Variants in DGKH observed in about 807,000 individuals in gnomAD.
The protein encoded by DGKH is DAG kinase eta.
Under a neutral mutation model 159.3 loss-of-function variants are expected in DGKH, and 90 were observed. The ratio of observed to expected loss-of-function variants is 0.57; its 90% CI spans 0.48 to 0.67. The LOEUF (loss-of-function observed/expected upper bound fraction) is 0.67. Among genes scored for constraint, DGKH ranks in the 30% least tolerant of loss-of-function variants. DGKH has a pLI of 0.00. For synonymous variants in DGKH, 536 were observed against 553.8 expected, an observed-to-expected ratio of 0.97 and a Z score of 0.45; for missense variants, 1,181 against 1,506.1, an observed-to-expected ratio of 0.78 and a Z score of 3.57.
chr13:42,077,857 A>T (rs1373566437), intron 1 of DGKH, among the ~76,000 whole-genome samples: 1 of 152,248 alleles, frequency 6.6e-6, no homozygotes, highest in East Asian at 1.9e-4. Context: ...GGGTTATTTC[A>T]TCAGCAATCT....
intron 1 of DGKH, among the ~76,000 whole-genome samples, chr13:42,118,154 T>A (rs1193645219): frequency 6.6e-6 from 1 of 152,062 alleles, no homozygotes; most frequent in Admixed American, 6.6e-5. Flanking sequence ...GAGGCGGAGC[T>A]TGCAGTGAGC....
chr13:42,155,161 C>G (rs1474083785), intron 3 of DGKH, 130 bp from the exon 4 acceptor site: 6 of 718,844 alleles, frequency 8.3e-6, no homozygotes, highest in Non-Finnish European at 1.4e-5. Flanking sequence ...ATTATTTTAT[C>G]ATACAGATTA....
At chr13:42,249,867 C>A (rs73172216) in intron 29 of DGKH, among the ~76,000 whole-genome samples, 355 of 152,284 alleles carry the variant, frequency 2.3e-3, no homozygotes, top group Non-Finnish European at 3.9e-3. Flanking sequence ...TTTGGGACAC[C>A]AACATTTGAA....
At chr13:42,105,106 C>A (rs1460900304) in intron 1 of DGKH, among the ~76,000 whole-genome samples, 1 of 151,760 alleles carries the variant, frequency 6.6e-6, no homozygotes, top group Non-Finnish European at 1.5e-5. Context: ...AATAGAATAC[C>A]TGAGATTGGA....
intron 1 of DGKH, among the ~76,000 whole-genome samples, chr13:42,098,630 C>A (rs1280186419): frequency 6.6e-6 from 1 of 152,018 alleles, no homozygotes; most frequent in East Asian, 1.9e-4. Flanking sequence ...TTTTTATTTT[C>A]TTTATGTTCT....
intron 1 of DGKH, among the ~76,000 whole-genome samples, chr13:42,107,246 A>G (rs888298642): frequency 2.0e-5 from 3 of 152,232 alleles, no homozygotes; most frequent in African/African-American, 7.2e-5. Context: ...GGGGGTGTGC[A>G]TTCTGCACCT....
intron 17 of DGKH, among the ~76,000 whole-genome samples, chr13:42,197,267 A>AAAAAAAAAAAAAAAG (rs922365530): frequency 1.8e-4 from 25 of 135,314 alleles, no homozygotes; most frequent in East Asian, 7.0e-4. Context: ...AAAAAAAAAA[A>AAAAAAAAAAAAAAAG]AAAGAAAGAA....
intron 13 of DGKH, among the ~76,000 whole-genome samples, chr13:42,181,095 T>G (rs1388811360): frequency 4.6e-5 from 7 of 151,552 alleles, no homozygotes; most frequent in Non-Finnish European, 4.4e-5. Context: ...GCTAACACGG[T>G]GAAACCCCGT....
intron 1 of DGKH, among the ~76,000 whole-genome samples, chr13:42,064,267 G>C (rs1882400502): frequency 6.6e-6 from 1 of 152,188 alleles, no homozygotes; most frequent in Non-Finnish European, 1.5e-5. Flanking sequence ...TCTGAGGCTA[G>C]AGGAAAGGTA....
intron 25 of DGKH, among the ~76,000 whole-genome samples, chr13:42,215,357 G>A (rs1157549723): frequency 1.3e-5 from 2 of 152,022 alleles, no homozygotes; most frequent in African/African-American, 4.8e-5. Context: ...GTGATCCTGA[G>A]TGTATTCACT....
rs1468134197 is a variant in DGKH at position 42,109,828 on chromosome 13, TTAA to T, written c.193-17631_193-17629del. Among the ~76,000 whole-genome samples, 3 of 152,216 alleles carry T rather than the reference TTAA, an allele frequency of 2.0e-5. No individual in the cohort carries two copies. The East Asian group carries it at 5.8e-4, about 29-fold the overall frequency. On this transcript the variant is annotated intron_variant, in intron 1 of 29. Transcript: ENST00000337343. The stretch of plus-strand genomic sequence containing the variant: ...TTCTCTTCATTTCTGTGAACAGTTA[TTAA>T]TAAGATATTTTTAAAAAATCTACTA...
At chr13:42,219,968 T>C (rs778140385) in intron 28 of DGKH, among the ~76,000 whole-genome samples, 174 bp downstream of exon 28, 2 of 152,198 alleles carry the variant, frequency 1.3e-5, no homozygotes, top group African/African-American at 4.8e-5. Context: ...ATGGGGAATT[T>C]CATGCTTTAT....
At position 42,168,801 on chromosome 13, in the gene DGKH, T is replaced by G. The variant is rs1477006760; in HGVS notation, c.1350T>G (p.Ser450Arg). The G allele has an allele frequency of 1.2e-6, 2 of 1,613,396 alleles. No homozygotes were observed. Among genetic ancestry groups the G allele is most frequent in the Non-Finnish European group, 1.7e-6 (2 of 1,179,610 alleles). Residue 450 changes from serine (S) to arginine (R), a missense_variant, in exon 11 of 30, where the codon AGT becomes AGG. Transcript: ENST00000337343. ...TCCTAGAGAAACTGGAACGAGCCAG[T>G]ACCAAAATGTTGGACAGGTAAAAGT... Reference protein sequence around the residue: ...PQILEKLERASTKMLDRWSIM... With the variant: ...PQILEKLERARTKMLDRWSIM...
At chr13:42,146,149 G>C (rs1413643351) in intron 3 of DGKH, among the ~76,000 whole-genome samples, 1 of 76,244 alleles carries the variant, frequency 1.3e-5, no homozygotes, top group Admixed American at 1.4e-4. Flanking sequence ...TTCTGGGGAG[G>C]CTTTTTTTTT....
chr13:42,049,508 C>T (rs1349690011), intron 1 of DGKH, among the ~76,000 whole-genome samples: 2 of 152,238 alleles, frequency 1.3e-5, no homozygotes, highest in Non-Finnish European at 2.9e-5. Context: ...TGGAAGGTGA[C>T]ACCGGTCAGC....
intron 11 of DGKH, among the ~76,000 whole-genome samples, chr13:42,172,049 T>C (rs546560112): frequency 3.5e-4 from 53 of 152,108 alleles, no homozygotes; most frequent in African/African-American, 1.2e-3. Context: ...AGGATGGTCT[T>C]GATCTCCTGA....
chr13:42,194,984 T>G lies in DGKH; in HGVS notation c.2135T>G (p.Leu712Arg), dbSNP rs1957169254. The change falls in exon 17 of 30, where the codon CTC becomes CGC. Residue 712 changes from leucine (L) to arginine (R), a missense_variant. Transcript: ENST00000337343. ...GPAVAASKENLPVLNTRIICP... is the reference protein window; with the variant it reads ...GPAVAASKENRPVLNTRIICP... ...GCTGTGGCAGCCAGCAAAGAAAACC[T>G]CCCTGTGCTCAATACCAGAATAATC... The G allele has an allele frequency of 1.2e-6, 2 of 1,613,862 alleles. No homozygotes were observed. The highest frequency in any genetic ancestry group is 1.7e-5 in the Admixed American group (1 of 59,974).
intron 1 of DGKH, among the ~76,000 whole-genome samples, chr13:42,084,165 T>C (rs1954260857): frequency 6.6e-6 from 1 of 152,154 alleles, no homozygotes; most frequent in Non-Finnish European, 1.5e-5. Flanking sequence ...TAAAAGACAA[T>C]AGACATTTAT....
chr13:42,118,368 A>G (rs564196027), intron 1 of DGKH, among the ~76,000 whole-genome samples: 8 of 152,328 alleles, frequency 5.3e-5, no homozygotes, highest in African/African-American at 1.9e-4. Context: ...CTGTTGGTAA[A>G]AGTTGTTTAG....
Sources: gnomAD v4.1 joint callset for allele counts (sites outside exome capture counted in the v4.1 genomes callset) on GRCh38, gnomAD v4.1.1 for gene constraint, MANE v1.5 for transcripts, NCBI Gene and HGNC (gene_info 2026-07-23, HGNC 2026-07-21) for gene names.